Variants in HTR2C observed in about 807,000 individuals in gnomAD.
HTR2C encodes the protein 5-hydroxytryptamine (serotonin) receptor 2C, G protein-coupled.
A neutral mutation model predicts 21.0 loss-of-function variants in HTR2C; 5 were observed. The ratio of observed to expected loss-of-function variants is 0.24; its 90% CI spans 0.12 to 0.50. The LOEUF is 0.50. HTR2C is among the 20% of genes least tolerant of loss of function. HTR2C has a pLI of 0.98. For missense variants in HTR2C, 271 were observed against 371.2 expected (o/e 0.73, Z 2.22); for synonymous variants, 150 against 145.3 (o/e 1.03, Z -0.23).
At chrX:114,623,906 G>GTTTTTTT (rs35930521) in intron 2 of HTR2C, among the ~76,000 whole-genome samples, 188 of 69,306 alleles carry the variant, frequency 2.7e-3, no homozygotes, top group Non-Finnish European at 3.3e-3. Context: ...TTTTGTTGTT[G>GTTTTTTT]TTTTTTTTTT....
intron 2 of HTR2C, among the ~76,000 whole-genome samples, chrX:114,628,360 T>G (rs1319829602): frequency 9.6e-6 from 1 of 104,524 alleles, no homozygotes; most frequent in Non-Finnish European, 1.9e-5. Context: ...TGCCTCAGGC[T>G]CCCGAGTAGC....
At chrX:114,705,368 C>G (rs1407659755) in intron 2 of HTR2C, among the ~76,000 whole-genome samples, 2 of 110,453 alleles carry the variant, frequency 1.8e-5, no homozygotes, top group African/African-American at 6.6e-5. Context: ...AGATATAGAT[C>G]AATGGAACAG....
Position 114,863,684 on chromosome X carries a change from C to A in HTR2C, c.550+15481C>A, listed in dbSNP as rs782704823. Among the ~76,000 whole-genome samples the A allele has an allele frequency of 3.9e-4, 43 of 111,031 alleles. 1 individual carries two copies. The highest frequency in any genetic ancestry group is 2.9e-3 in the Admixed American group (30 of 10,414). ...AAAGTGCAATTGAAATCCAGTATTT[C>A]CTTATTATTTGTTATCTGGTTGCTT... On this transcript the variant is annotated intron_variant, in intron 5 of 5. Coordinates refer to ENST00000276198, the MANE Select transcript of HTR2C (RefSeq NM_000868.4).
chrX:114,618,707 GAAGTGA>G (rs1204849800), intron 2 of HTR2C, among the ~76,000 whole-genome samples: 2 of 111,841 alleles, frequency 1.8e-5, no homozygotes, highest in African/African-American at 6.5e-5. Context: ...TATGCTGTGT[GAAGTGA>G]CTATTTGCAT....
chrX:114,876,422 C>CTTTTTTTTTTTTTTTTTTTTTTCTTT (rs60498146), intron 5 of HTR2C, among the ~76,000 whole-genome samples: 10 of 62,385 alleles, frequency 1.6e-4, no homozygotes, highest in East Asian at 6.0e-4. Flanking sequence ...CTTTTTCTTT[C>CTTTTTTTTTTTTTTTTTTTTTTCTTT]TTTTTTTTTT....
chrX:114,809,648 C>T (rs1432553033), intron 4 of HTR2C, among the ~76,000 whole-genome samples: 1 of 110,480 alleles, frequency 9.1e-6, no homozygotes, highest in Admixed American at 9.7e-5. Flanking sequence ...CCTCCCAATC[C>T]AGTGCCTTTT....
chrX:114,806,077 C>A (rs1602813231), intron 4 of HTR2C, among the ~76,000 whole-genome samples: 1 of 100,471 alleles, frequency 1.0e-5, no homozygotes, highest in East Asian at 3.2e-4. Context: ...CATATATACA[C>A]CATATATATA....
At chrX:114,805,901 A>G (rs1474219728) in intron 4 of HTR2C, among the ~76,000 whole-genome samples, 2 of 94,390 alleles carry the variant, frequency 2.1e-5, no homozygotes, top group Non-Finnish European at 2.1e-5. Flanking sequence ...ATATATATAC[A>G]TCATATATAT....
chrX:114,842,440 T>C (rs1193519028), intron 4 of HTR2C, among the ~76,000 whole-genome samples: 1 of 112,172 alleles, frequency 8.9e-6, no homozygotes, highest in African/African-American at 3.2e-5. Flanking sequence ...ACAAGCATTG[T>C]TTGCAACAGA....
intron 4 of HTR2C, among the ~76,000 whole-genome samples, chrX:114,772,893 G>A (rs782026720): frequency 9.0e-6 from 1 of 111,454 alleles, no homozygotes; most frequent in African/African-American, 3.3e-5. Flanking sequence ...TCCTTCAGTT[G>A]GTTAAAACTA....
At chrX:114,857,276 C>A (rs1488703111) in intron 5 of HTR2C, among the ~76,000 whole-genome samples, 5 of 111,259 alleles carry the variant, frequency 4.5e-5, no homozygotes, top group Non-Finnish European at 7.6e-5. Flanking sequence ...ATCTATCTAC[C>A]AATGACTCTT....
chrX:114,872,537 C>A (rs1556476868), intron 5 of HTR2C, among the ~76,000 whole-genome samples: 1 of 109,765 alleles, frequency 9.1e-6, no homozygotes, highest in Non-Finnish European at 1.9e-5. Context: ...TTTCAAAAAT[C>A]CCTCGTGATT....
At chrX:114,890,856 T>C (rs1373880151) in intron 5 of HTR2C, among the ~76,000 whole-genome samples, 1 of 112,120 alleles carries the variant, frequency 8.9e-6, no homozygotes, top group Non-Finnish European at 1.9e-5. Flanking sequence ...TTCATCTTTA[T>C]GAAAATGTGG....
chrX:114,588,510 C>A (rs951740805), intron 1 of HTR2C, among the ~76,000 whole-genome samples: 2 of 111,406 alleles, frequency 1.8e-5, no homozygotes, highest in Non-Finnish European at 1.9e-5. Context: ...GGGTTGAGCT[C>A]AATGTAAAAA....
rs782052362 is a variant in HTR2C, at chrX:114,828,507, A to AT, written c.350-19492dup. Among the ~76,000 whole-genome samples the AT allele has an allele frequency of 3.6e-5, 4 of 111,830 alleles. No homozygotes were observed. In the Admixed American group the frequency reaches 3.8e-4, roughly 11 times the overall value. ...AATTCTGTGTATATTTGGATAAAACATTTTGTATCTTTGACACTTTGAATA... is the reference window on the plus strand; with the variant it reads ...AATTCTGTGTATATTTGGATAAAACATTTTTGTATCTTTGACACTTTGAATA... On this transcript the variant is annotated intron_variant, in intron 4 of 5. Transcript: ENST00000276198.
At chrX:114,590,442 C>T (rs992124928) in intron 1 of HTR2C, among the ~76,000 whole-genome samples, 26 of 111,651 alleles carry the variant, frequency 2.3e-4, no homozygotes, top group African/African-American at 7.8e-4. Flanking sequence ...CTTCAAGGTC[C>T]GTTTCAAGCC....
intron 2 of HTR2C, among the ~76,000 whole-genome samples, chrX:114,713,486 A>G (rs1195422272): frequency 9.0e-6 from 1 of 111,457 alleles, no homozygotes; most frequent in African/African-American, 3.2e-5. Context: ...ATTGGTCTAT[A>G]TTATAGAACA....
chrX:114,640,902 G>GTCCT (rs1475940421), intron 2 of HTR2C, among the ~76,000 whole-genome samples: 1 of 97,341 alleles, frequency 1.0e-5, no homozygotes, highest in African/African-American at 3.8e-5. Context: ...CTTCCTTCCT[G>GTCCT]TCCTTCCTTC....
intron 4 of HTR2C, among the ~76,000 whole-genome samples, chrX:114,833,268 A>G (rs1556461949): frequency 9.8e-6 from 1 of 101,914 alleles, no homozygotes; most frequent in African/African-American, 3.5e-5. Context: ...TAATTTCAGA[A>G]GGAATGGTAC....
Sources: allele counts gnomAD v4.1 joint callset (sites outside exome capture counted in the v4.1 genomes callset), GRCh38; gene constraint gnomAD v4.1.1; transcripts MANE v1.5; gene names NCBI Gene and HGNC (gene_info 2026-07-23, HGNC 2026-07-21).